Variants in FHIP2A observed in about 807,000 individuals in gnomAD.
The protein encoded by FHIP2A is FHF complex subunit HOOK interacting protein 2A.
In FHIP2A, 46 loss-of-function variants were observed where a neutral mutation model predicts 93.5. The observed-to-expected ratio is 0.49, with a 90% CI of 0.39 to 0.63. The LOEUF is 0.63. FHIP2A is among the 20% of genes least tolerant of loss of function. The pLI is 0.00. For synonymous variants in FHIP2A, 332 were observed against 326.5 expected (o/e 1.02, Z -0.18); for missense variants, 769 against 909.7 (o/e 0.85, Z 1.99).
intron 12 of FHIP2A, among the ~76,000 whole-genome samples, chr10:114,848,018 T>C (rs765482446): frequency 6.6e-6 from 1 of 152,214 alleles, no homozygotes; most frequent in Non-Finnish European, 1.5e-5. Flanking sequence ...GTAACAACAT[T>C]GAGAATTGCT....
chr10:114,823,481 ATT>A (rs561501455), intron 1 of FHIP2A, among the ~76,000 whole-genome samples: 178 of 82,390 alleles, frequency 2.2e-3, no homozygotes, highest in African/African-American at 5.0e-3. Context: ...GAATCATTTA[ATT>A]TTATTTATTT....
intron 16 of FHIP2A, among the ~76,000 whole-genome samples, chr10:114,869,987 A>G (rs1025647491): frequency 1.3e-4 from 20 of 152,346 alleles, no homozygotes; most frequent in African/African-American, 3.6e-4. Context: ...TTCAATGGAA[A>G]GGAAAAGACT....
rs538469240 is a variant in FHIP2A at position 114,838,467 on chromosome 10, T to C, written c.522+2221T>C. Among the ~76,000 whole-genome samples the C allele has an allele frequency of 5.3e-5, 8 of 152,272 alleles. No individual in the cohort carries two copies. The South Asian group carries it at 1.7e-3, about 32-fold the overall frequency. On this transcript the variant is annotated intron_variant, in intron 5 of 16. Coordinates refer to ENST00000369248, the MANE Select transcript of FHIP2A (RefSeq NM_020940.4). ...CAAAAGGGCTGGAACAGTCTTATGA[T>C]TTTGGATTTCTAAAGATTTATAATG...
intron 16 of FHIP2A, among the ~76,000 whole-genome samples, chr10:114,875,810 G>A (rs1042320148): frequency 2.8e-5 from 4 of 143,692 alleles, no homozygotes; most frequent in African/African-American, 1.0e-4. Flanking sequence ...AGAACAGAAA[G>A]AAAGGAAAGA....
chr10:114,834,011 TGTAA>T (rs1372925219), intron 3 of FHIP2A, among the ~76,000 whole-genome samples: 2 of 152,206 alleles, frequency 1.3e-5, no homozygotes, highest in Non-Finnish European at 2.9e-5. Context: ...CTGTGACCAT[TGTAA>T]GTCTCTTTGG....
At position 114,861,581 on chromosome 10, in the gene FHIP2A, T is replaced by TA. The variant is rs2083800248; in HGVS notation, c.*42dup. 1 of 1,600,654 alleles carries TA rather than the reference T, an allele frequency of 6.2e-7. No homozygotes were observed. The highest frequency in any genetic ancestry group is 1.3e-5 in the African/African-American group (1 of 74,504). On this transcript the variant is annotated 3_prime_UTR_variant, in exon 17 of 17. Coordinates refer to ENST00000369248, the MANE Select transcript of FHIP2A (RefSeq NM_020940.4). ...TAACTGGGGGAACAGAACTACTGTG[T>TA]ACATTTCACCAAAAAAGACTCAGTT...
chr10:114,832,709 GA>G (rs2083614300), intron 2 of FHIP2A, among the ~76,000 whole-genome samples: 1 of 136,952 alleles, frequency 7.3e-6, no homozygotes, highest in South Asian at 2.3e-4. Context: ...ATATATTTGA[GA>G]TTTTTTTTTT....
At chr10:114,828,392 A>G (rs906091907) in intron 1 of FHIP2A, among the ~76,000 whole-genome samples, 22 of 152,332 alleles carry the variant, frequency 1.4e-4, no homozygotes, top group African/African-American at 5.3e-4. Context: ...TGGAAAAAGG[A>G]TACTGTAACT....
chr10:114,890,391 A>C (rs1307679205), intron 16 of FHIP2A, among the ~76,000 whole-genome samples: 1 of 151,252 alleles, frequency 6.6e-6, no homozygotes, highest in Non-Finnish European at 1.5e-5. Flanking sequence ...TGATTGTGTG[A>C]GTCTAACTTG....
intron 16 of FHIP2A, among the ~76,000 whole-genome samples, chr10:114,880,680 A>AACACACACACACACACACACACAC (rs71473073): frequency 1.1e-3 from 155 of 144,124 alleles, no homozygotes; most frequent in South Asian, 4.3e-3. Context: ...ACTCCATGTC[A>AACACACACACACACACACACACAC]ACACACACAC....
chr10:114,860,479 A>G (rs983178330), intron 14 of FHIP2A, among the ~76,000 whole-genome samples: 1 of 152,044 alleles, frequency 6.6e-6, no homozygotes, highest in African/African-American at 2.4e-5. Context: ...CAGCCTCCCA[A>G]GTAGCTGGGA....
At chr10:114,823,519 G>A (rs76759854) in intron 1 of FHIP2A, among the ~76,000 whole-genome samples, 5,945 of 151,648 alleles carry the variant, frequency 0.039, 337 homozygotes, top group African/African-American at 0.13. Flanking sequence ...TTTTGAGACC[G>A]AATCTCATTC....
At chr10:114,852,524 G>A (rs2083743303) in intron 13 of FHIP2A, among the ~76,000 whole-genome samples, 1 of 152,170 alleles carries the variant, frequency 6.6e-6, no homozygotes, top group Non-Finnish European at 1.5e-5. Flanking sequence ...AGCCTCTAGT[G>A]TATTGCCAAG....
intron 1 of FHIP2A, 26 bp downstream of exon 1, chr10:114,822,149 G>A (rs987645993): frequency 5.5e-6 from 7 of 1,282,022 alleles, no homozygotes; most frequent in Non-Finnish European, 7.1e-6. Flanking sequence ...GCGGGCGCAC[G>A]GCAGGCCGGG....
rs192657630 is a variant in FHIP2A, at chr10:114,848,697, G to A, written c.1763G>A (p.Gly588Asp). Reference sequence around the variant, plus strand: ...GCAAAATCCTCCTACCATGTTGAGGGCACAGGATATGACACTTACCTCCGA... The same window carrying A: ...GCAAAATCCTCCTACCATGTTGAGGACACAGGATATGACACTTACCTCCGA... The part of the protein sequence containing the change: ...DDAKSSYHVE[G>D]TGYDTYLRDA... The change falls in exon 13 of 17, where the codon GGC becomes GAC. Residue 588 changes from glycine to aspartate, a missense_variant. Gly to Asp is a moderately conservative substitution (Grantham distance 94). Coordinates refer to ENST00000369248, the MANE Select transcript of FHIP2A (RefSeq NM_020940.4). 5.3e-5 allele frequency: 85 copies of A among 1,613,156 alleles called. No individual in the cohort carries two copies. Among genetic ancestry groups the A allele is most frequent in the Non-Finnish European group, 7.0e-5 (83 of 1,179,682 alleles).
At chr10:114,831,072 C>T (rs2083604992) in intron 2 of FHIP2A, 142 bp downstream of exon 2, 1 of 555,346 alleles carries the variant, frequency 1.8e-6, no homozygotes, top group East Asian at 3.1e-5. Flanking sequence ...CTTTAAGATT[C>T]AGTCACTCAT....
rs181147606 is a variant in FHIP2A at position 114,889,766 on chromosome 10, G to A, written c.2193-9724G>A. On this transcript the variant is annotated intron_variant, in intron 16 of 16. Transcript: ENST00000369250. The stretch of plus-strand genomic sequence containing the variant: ...CATTCCAGTGCCCTGGCTGAAGGGC[G>A]TGTCCTTTGGGCCCTCCAAGGGTTG... 1.8e-3 allele frequency among the ~76,000 whole-genome samples: 268 copies of A among 152,320 alleles called. 1 individual carries two copies. Among genetic ancestry groups the A allele is most frequent in the South Asian group, 7.9e-3 (38 of 4,828 alleles).
chr10:114,863,850 T>C lies in FHIP2A; in HGVS notation c.*2310T>C. The stretch of plus-strand genomic sequence containing the variant: ...TTGATTGCCATAGCAAGTTCCAAAG[T>C]GAATTTCAGCCTTGCTTCACATTTG... On this transcript the variant is annotated 3_prime_UTR_variant, in exon 17 of 17. Coordinates refer to ENST00000369248, the MANE Select transcript of FHIP2A (RefSeq NM_020940.4). The C allele has an allele frequency of 3.8e-6, 4 of 1,052,442 alleles. No individual in the cohort carries two copies. The highest frequency in any genetic ancestry group is 4.6e-6 in the Non-Finnish European group (4 of 864,010). The allele number at this position is 1,052,442 out of a possible 1,614,324, so 65.2% of individuals were successfully genotyped here.
At chr10:114,875,861 G>GA (rs1463125676) in intron 16 of FHIP2A, among the ~76,000 whole-genome samples, 4 of 123,194 alleles carry the variant, frequency 3.2e-5, no homozygotes, top group African/African-American at 1.4e-4. Flanking sequence ...GAAAAAGAAA[G>GA]AAAGAAAGAG....
Sources: allele counts gnomAD v4.1 joint callset (sites outside exome capture counted in the v4.1 genomes callset), GRCh38; gene constraint gnomAD v4.1.1; transcripts MANE v1.5; gene names NCBI Gene and HGNC (gene_info 2026-07-23, HGNC 2026-07-21).